Variants in SECISBP2L observed in about 807,000 individuals in gnomAD.
The protein encoded by SECISBP2L is SECIS binding protein 2 like, also known as selenocysteine insertion sequence-binding protein 2-like.
Under a neutral mutation model 114.7 loss-of-function variants are expected in SECISBP2L, and 43 were observed. That is an observed-to-expected ratio of 0.38 (90% CI 0.29 to 0.48). SECISBP2L has a LOEUF of 0.48. SECISBP2L is among the 20% of genes least tolerant of loss of function. The pLI is 0.98. For synonymous variants in SECISBP2L, 451 were observed against 439.7 expected (o/e 1.03, Z -0.32); for missense variants, 1,136 against 1,301.1 (o/e 0.87, Z 1.95).
At chr15:49,022,871 C>T (rs553801020) in intron 7 of SECISBP2L, among the ~76,000 whole-genome samples, 1 of 152,198 alleles carries the variant, frequency 6.6e-6, no homozygotes, top group South Asian at 2.1e-4. Flanking sequence ...TCATATCTCA[C>T]ATCATATACC....
chr15:49,027,316 A>G, intron 7 of SECISBP2L, 49 bp downstream of exon 7: 1 of 1,327,338 alleles, frequency 7.5e-7, no homozygotes, highest in Non-Finnish European at 1.1e-6. Context: ...CAAATCTAAA[A>G]TGACTCATCT....
chr15:49,023,687 T>A (rs778043542), intron 7 of SECISBP2L, among the ~76,000 whole-genome samples: 7 of 152,178 alleles, frequency 4.6e-5, no homozygotes, highest in African/African-American at 1.2e-4. Context: ...ACGAGTTGTC[T>A]AAAAGGAAAA....
rs1489479284 is a variant in SECISBP2L, at chr15:49,037,691, G to C, written c.103C>G (p.Leu35Val). ...GAAACACTTCCATTATCATTTGGGA[G>C]AGCCATAGGGATCATAAATGTATCA... ...SPDTFMIPMA[L>V]PNDNGSVSGV... is the part of the protein sequence containing the mutation. Residue 35 changes from leucine to valine, a missense_variant, in exon 2 of 18, where the codon CTC becomes GTC. Around this residue, in one of 2 missense-constraint regions of SECISBP2L, gnomAD observed 452 missense variants for 452.3 expected, o/e 1.00. Transcript: ENST00000559471. 6.2e-7 allele frequency: 1 copy of C among 1,613,810 alleles called. No homozygotes were observed. Among genetic ancestry groups the C allele is most frequent in the Non-Finnish European group, 8.5e-7 (1 of 1,179,820 alleles).
At chr15:49,036,652 G>C (rs185080035) in intron 2 of SECISBP2L, among the ~76,000 whole-genome samples, 131 of 152,278 alleles carry the variant, frequency 8.6e-4, no homozygotes, top group Non-Finnish European at 6.0e-4. Context: ...AACTTCAATT[G>C]AAAATGATTC....
In SECISBP2L at chr15:48,994,341, C is replaced by T. The variant is rs183964305; in HGVS notation, c.2624-1415G>A. On this transcript the variant is annotated intron_variant, in intron 17 of 17. Transcript: ENST00000559471. ...CTTAGCTCAGGCCTTCTTTTTCTTG[C>T]TGTTCATTTGTAACATCTTCGTAAC... Among the ~76,000 whole-genome samples, 363 of 152,246 alleles carry T rather than the reference C, an allele frequency of 2.4e-3. 2 individuals carry two copies. Among genetic ancestry groups the T allele is most frequent in the African/African-American group, 8.1e-3 (337 of 41,540 alleles).
chr15:49,041,435 T>C (rs1903129291), intron 1 of SECISBP2L, among the ~76,000 whole-genome samples: 2 of 152,230 alleles, frequency 1.3e-5, no homozygotes, highest in South Asian at 4.1e-4. Context: ...AAGAGTTTAT[T>C]AGACAAATGT....
At chr15:49,012,555 C>G (rs1410756917) in intron 12 of SECISBP2L, 93 bp downstream of exon 12, 2 of 1,288,546 alleles carry the variant, frequency 1.6e-6, no homozygotes, top group African/African-American at 1.5e-5. Flanking sequence ...TCACAACAAT[C>G]TGTTGGCTAA....
chr15:49,015,809 T>G (rs1902524194), intron 11 of SECISBP2L, among the ~76,000 whole-genome samples: 2 of 152,342 alleles, frequency 1.3e-5, no homozygotes, highest in South Asian at 4.1e-4. Context: ...ACTTGTGATT[T>G]TTTATTTCAA....
intron 11 of SECISBP2L, among the ~76,000 whole-genome samples, chr15:49,016,077 T>C (rs895626224): frequency 6.6e-6 from 1 of 152,236 alleles, no homozygotes; most frequent in Non-Finnish European, 1.5e-5. Flanking sequence ...AGCTAAAATA[T>C]GGCTTTAGTT....
intron 7 of SECISBP2L, among the ~76,000 whole-genome samples, chr15:49,021,480 T>C (rs1445397728): frequency 6.6e-6 from 1 of 152,138 alleles, no homozygotes; most frequent in Non-Finnish European, 1.5e-5. Context: ...ACCAGGACAC[T>C]TAAAATATAT....
chr15:49,034,060 G>A (rs960064635), intron 3 of SECISBP2L, among the ~76,000 whole-genome samples: 1 of 151,366 alleles, frequency 6.6e-6, no homozygotes, highest in Non-Finnish European at 1.5e-5. Flanking sequence ...TTCATTCTGA[G>A]TTCCCGAAAA....
chr15:49,022,457 C>T (rs1175472747), intron 7 of SECISBP2L, among the ~76,000 whole-genome samples: 1 of 152,050 alleles, frequency 6.6e-6, no homozygotes, highest in Non-Finnish European at 1.5e-5. Context: ...AAATTAGCCA[C>T]GTGTGGTAGC....
intron 4 of SECISBP2L, among the ~76,000 whole-genome samples, chr15:49,031,037 C>CTTTTTTT (rs373799142): frequency 8.5e-4 from 70 of 82,164 alleles, no homozygotes; most frequent in East Asian, 1.2e-3. Context: ...TTATCATTTT[C>CTTTTTTT]TTTTTTTTTT....
Position 48,992,240 on chromosome 15 carries a change from T to C in SECISBP2L, c.*4A>G, listed in dbSNP as rs375068800. ...CTGGAGATAGAGAGCCGACATTTCC[T>C]GAGTTACGTAGTTTGCGTTGTGTAA... On this transcript the variant is annotated 3_prime_UTR_variant, in exon 18 of 18. Coordinates refer to ENST00000559471, the MANE Select transcript of SECISBP2L (RefSeq NM_001193489.2). 49 of 1,584,320 alleles carry C rather than the reference T, an allele frequency of 3.1e-5. No individual in the cohort carries two copies. The highest frequency in any genetic ancestry group is 1.7e-4 in the Middle Eastern group (1 of 5,906).
intron 7 of SECISBP2L, among the ~76,000 whole-genome samples, chr15:49,023,386 C>G (rs1032634212): frequency 8.5e-5 from 13 of 152,212 alleles, no homozygotes; most frequent in African/African-American, 2.9e-4. Context: ...TAATTTTTAT[C>G]TAACTGGCAT....
intron 1 of SECISBP2L, chr15:49,042,316 TTTTG>T (rs147743800): frequency 0.027 from 4,152 of 152,510 alleles, 152 homozygotes; most frequent in South Asian, 0.075. Flanking sequence ...TCCATAGGTT[TTTTG>T]TTTGTTTGTT....
At chr15:48,995,519 G>A (rs1409845977) in intron 17 of SECISBP2L, among the ~76,000 whole-genome samples, 2 of 151,948 alleles carry the variant, frequency 1.3e-5, no homozygotes, top group African/African-American at 4.8e-5. Flanking sequence ...ATTTTAGGTG[G>A]CAACAAGCTA....
chr15:48,997,855 G>C (rs1346940390), intron 16 of SECISBP2L, among the ~76,000 whole-genome samples: 1 of 151,938 alleles, frequency 6.6e-6, no homozygotes, highest in Non-Finnish European at 1.5e-5. Flanking sequence ...GGCAACAAGA[G>C]TGAACCTCTG....
intron 11 of SECISBP2L, among the ~76,000 whole-genome samples, chr15:49,016,074 A>G (rs1420782429): frequency 6.6e-6 from 1 of 152,240 alleles, no homozygotes; most frequent in Non-Finnish European, 1.5e-5. Context: ...GTCAGCTAAA[A>G]TATGGCTTTA....
Sources: allele counts gnomAD v4.1 joint callset (sites outside exome capture counted in the v4.1 genomes callset), GRCh38; gene constraint gnomAD v4.1.1; regional missense constraint gnomAD v4.1.1; transcripts MANE v1.5; gene names NCBI Gene and HGNC (gene_info 2026-07-23, HGNC 2026-07-21).